Variants in SKI observed in about 807,000 individuals in gnomAD.
SKI encodes SKI proto-oncogene.
A neutral mutation model predicts 59.3 loss-of-function variants in SKI; 23 were observed. The ratio of observed to expected loss-of-function variants is 0.39; its 90% CI spans 0.28 to 0.55. The LOEUF is 0.55. SKI is among the 20% of genes least tolerant of loss of function. SKI has a pLI of 0.67. For missense variants in SKI, 1,017 were observed against 1,038.9 expected, an observed-to-expected ratio of 0.98 and a Z score of 0.29; for synonymous variants, 673 against 488.6, an observed-to-expected ratio of 1.38 and a Z score of -4.98.
chr1:2,228,928 GGCGGGC>G lies in SKI; in HGVS notation c.167_172del (p.Gly56_Ala57del), dbSNP rs1280077138. Reference sequence around the variant, plus strand: ...CCTACAAGAAGGAGAGCGCCAAGGAGGCGGGCGCGGCCGCGGTGCCGGCGCCGGTGC... The same window carrying G: ...CCTACAAGAAGGAGAGCGCCAAGGAGGCGGCCGCGGTGCCGGCGCCGGTGC... On this transcript the variant is annotated inframe_deletion, in exon 1 of 7. Transcript: ENST00000378536. The G allele has an allele frequency of 6.5e-6, 9 of 1,384,864 alleles. No homozygotes were observed. Among genetic ancestry groups the G allele is most frequent in the African/African-American group, 1.5e-5 (1 of 65,768 alleles). 85.8% of individuals were successfully genotyped at this position (1,384,864 alleles called of 1,614,324 possible).
At chr1:2,273,260 G>A (rs1639668221) in intron 1 of SKI, among the ~76,000 whole-genome samples, 1 of 152,064 alleles carries the variant, frequency 6.6e-6, no homozygotes, top group Non-Finnish European at 1.5e-5. Flanking sequence ...TTGGTAGTGG[G>A]TGTGGAAAGA....
intron 1 of SKI, among the ~76,000 whole-genome samples, chr1:2,291,420 G>A (rs1172533069): frequency 6.6e-6 from 1 of 152,206 alleles, no homozygotes; most frequent in Non-Finnish European, 1.5e-5. Context: ...AGAAGAGTGG[G>A]GCCAGACTTC....
At chr1:2,245,882 C>T (rs574251126) in intron 1 of SKI, among the ~76,000 whole-genome samples, 8 of 149,982 alleles carry the variant, frequency 5.3e-5, no homozygotes, top group South Asian at 2.1e-4. Context: ...CTGCAACCTC[C>T]GCCTCCCAGG....
Position 2,304,027 on chromosome 1 carries a change from ACGCTGG to A in SKI, c.1403_1408del (p.Leu468_Ala469del). ...TGTGGACACCCCAGGAGCCCCAGAG[ACGCTGG>A]CGCCCGTGGCTGCCCCAGAGGAGGA... On this transcript the variant is annotated inframe_deletion, in exon 4 of 7. Transcript: ENST00000378536. 6.2e-7 allele frequency: 1 copy of A among 1,612,446 alleles called. No homozygotes were observed. The highest frequency in any genetic ancestry group is 8.5e-7 in the Non-Finnish European group (1 of 1,179,858).
At chr1:2,249,324 C>T (rs566921160) in intron 1 of SKI, among the ~76,000 whole-genome samples, 6 of 152,322 alleles carry the variant, frequency 3.9e-5, no homozygotes, top group East Asian at 1.9e-4. Flanking sequence ...GCGTGCAGGC[C>T]GGATGTTCCT....
At chr1:2,298,913 T>G (rs1288016317) in intron 1 of SKI, among the ~76,000 whole-genome samples, 2 of 152,048 alleles carry the variant, frequency 1.3e-5, no homozygotes, top group Non-Finnish European at 2.9e-5. Context: ...CTCCCCGGAG[T>G]CTTGCCCTGG....
In SKI at chr1:2,306,012, G is replaced by A; in HGVS notation, c.1768-8G>A. The A allele has an allele frequency of 6.4e-7, 1 of 1,566,052 alleles. No individual in the cohort carries two copies. The highest frequency in any genetic ancestry group is 8.6e-7 in the Non-Finnish European group (1 of 1,156,192). On this transcript the variant is annotated splice_polypyrimidine_tract_variant and splice_region_variant and intron_variant, in intron 5 of 6. Transcript: ENST00000378536. ...GGGCAGTGACCCCGAGCCGCCTCCGGCCCCCAGGAGCTGGAGTTCCTACGC... is the reference window on the plus strand; with the variant it reads ...GGGCAGTGACCCCGAGCCGCCTCCGACCCCCAGGAGCTGGAGTTCCTACGC...
intron 1 of SKI, among the ~76,000 whole-genome samples, chr1:2,244,763 A>G (rs72927819): frequency 0.015 from 2,246 of 152,296 alleles, 55 homozygotes; most frequent in African/African-American, 0.051. Context: ...AAATAAACAT[A>G]ATGTTGACCA....
rs1430227962 is a variant in SKI, at chr1:2,304,339, C to T, written c.1521C>T (p.Ser507=). The T allele has an allele frequency of 6.4e-6, 10 of 1,551,658 alleles. No homozygotes were observed. Among genetic ancestry groups the T allele is most frequent in the Middle Eastern group, 1.7e-4 (1 of 5,990 alleles). The stretch of plus-strand genomic sequence containing the variant: ...TCTCTTCCCCGTCCTTTACCTCATC[C>T]AGCTCCGCCAAGGACCTGGGCTCCC... ...SSLSSPSFTS[S]SSAKDLGSPG... The change falls in exon 5 of 7, where the codon TCC becomes TCT. Residue 507 remains serine (S), a synonymous_variant. Coordinates refer to ENST00000378536, the MANE Select transcript of SKI (RefSeq NM_003036.4).
At chr1:2,243,827 A>G (rs960282850) in intron 1 of SKI, among the ~76,000 whole-genome samples, 1 of 152,052 alleles carries the variant, frequency 6.6e-6, no homozygotes, top group Non-Finnish European at 1.5e-5. Flanking sequence ...ACACATCTCT[A>G]TAGATTGCTT....
intron 1 of SKI, among the ~76,000 whole-genome samples, chr1:2,275,483 G>A (rs1002816544): frequency 2.0e-5 from 3 of 152,136 alleles, no homozygotes; most frequent in African/African-American, 7.2e-5. Context: ...CAGGATGAGG[G>A]GTGTGGGGAG....
At chr1:2,305,954 C>T in intron 5 of SKI, 66 bp from the exon 6 acceptor site, 2 of 1,239,722 alleles carry the variant, frequency 1.6e-6, no homozygotes, top group South Asian at 2.6e-5. Context: ...CTGAGGACTG[C>T]TGGTCATGGT....
intron 1 of SKI, among the ~76,000 whole-genome samples, chr1:2,250,790 C>T (rs2100822614): frequency 6.6e-6 from 1 of 152,380 alleles, no homozygotes; most frequent in East Asian, 1.9e-4. Context: ...ACCTGCCTGG[C>T]GGCTCAGCTG....
intron 1 of SKI, among the ~76,000 whole-genome samples, chr1:2,276,822 T>TA (rs1639753426): frequency 1.3e-5 from 2 of 152,182 alleles, no homozygotes; most frequent in African/African-American, 2.4e-5. Context: ...CCCGTGCTCA[T>TA]AGCTCCGTTC....
At chr1:2,284,764 G>A (rs1007215810) in intron 1 of SKI, among the ~76,000 whole-genome samples, 8 of 152,156 alleles carry the variant, frequency 5.3e-5, no homozygotes, top group Non-Finnish European at 1.0e-4. Context: ...GTGGATGGCC[G>A]GCGTGGCTGT....
Position 2,306,563 on chromosome 1 carries a change from C to T in SKI, c.1999-14C>T, listed in dbSNP as rs534575796. 31 of 1,539,800 alleles carry T rather than the reference C, an allele frequency of 2.0e-5. No homozygotes were observed. The highest frequency in any genetic ancestry group is 2.4e-5 in the Non-Finnish European group (28 of 1,145,070). On this transcript the variant is annotated splice_polypyrimidine_tract_variant and intron_variant, in intron 6 of 6. Transcript: ENST00000378536. ...CAGCGAGCAGGCGCCGCTGACCACT[C>T]GGCTCCCTTTCAGATCGAAGACCTG...
chr1:2,305,700 G>A (rs1038625979), intron 5 of SKI, among the ~76,000 whole-genome samples: 1 of 152,186 alleles, frequency 6.6e-6, no homozygotes, highest in Admixed American at 6.5e-5. Context: ...TGGGAGCCAG[G>A]GCCTACTTGG....
intron 1 of SKI, among the ~76,000 whole-genome samples, chr1:2,233,193 C>T (rs1346803662): frequency 6.7e-6 from 1 of 149,334 alleles, no homozygotes; most frequent in African/African-American, 2.5e-5. Context: ...AGGGGGGGTC[C>T]TGCTCCGAGG....
rs1640634040 is a variant in SKI, at chr1:2,307,745, C to T, written c.*980C>T. 1 of 152,478 alleles carries T rather than the reference C, an allele frequency of 6.6e-6. No individual in the cohort carries two copies. The highest frequency in any genetic ancestry group is 1.9e-4 in the East Asian group (1 of 5,192). 9.4% of individuals were successfully genotyped at this position (152,478 alleles called of 1,614,324 possible). A position where few individuals can be genotyped will look rare whatever the true frequency, so the allele number is the denominator to read the frequency against. ...ACGTATATTTAGAACTGCACTTTGTCCACAACCTTCCCTTCTCTTTCTATT... is the reference window on the plus strand; with the variant it reads ...ACGTATATTTAGAACTGCACTTTGTTCACAACCTTCCCTTCTCTTTCTATT... On this transcript the variant is annotated 3_prime_UTR_variant, in exon 7 of 7. Coordinates refer to ENST00000378536, the MANE Select transcript of SKI (RefSeq NM_003036.4).
Sources: gnomAD v4.1 joint callset for allele counts (sites outside exome capture counted in the v4.1 genomes callset) on GRCh38, gnomAD v4.1.1 for gene constraint, MANE v1.5 for transcripts, NCBI Gene and HGNC (gene_info 2026-07-23, HGNC 2026-07-21) for gene names.